PTPRN2: variants seen among roughly 807,000 people sequenced by gnomAD.
PTPRN2 encodes protein tyrosine phosphatase receptor type N2, also known as receptor-type tyrosine-protein phosphatase N2.
PTPRN2 carries 74 observed loss-of-function variants against 118.8 expected under a neutral mutation model. The observed-to-expected ratio is 0.62, with a 90% CI of 0.52 to 0.76. The LOEUF is 0.76. Among genes scored for constraint, PTPRN2 ranks in the 30% least tolerant of loss-of-function variants. The probability of loss-of-function intolerance (pLI) is 0.00; values close to 1 mark genes in which losing one functional copy is unlikely to be tolerated. For missense variants in PTPRN2, 1,481 were observed against 1,394.4 expected (o/e 1.06, Z -0.99); for synonymous variants, 641 against 608.0 (o/e 1.05, Z -0.80).
chr7:157,995,264 A>G (rs1804633587), intron 11 of PTPRN2, among the ~76,000 whole-genome samples: 1 of 147,838 alleles, frequency 6.8e-6, no homozygotes, highest in African/African-American at 2.5e-5. Flanking sequence ...CCCAGCTTAC[A>G]ACTCCTTGTT....
chr7:158,317,662 A>G lies in PTPRN2; in HGVS notation c.164-730T>C, dbSNP rs73510319. ...AAATTACCTTCTTTGGTGCACACAA[A>G]AGGTTAATTCAGGCGCTACTGCTTC... On this transcript the variant is annotated intron_variant, in intron 2 of 22. Transcript: ENST00000389418. Among the ~76,000 whole-genome samples, 625 of 152,280 alleles carry G rather than the reference A, an allele frequency of 4.1e-3. 5 individuals are homozygous for G. Among genetic ancestry groups the G allele is most frequent in the African/African-American group, 0.014 (583 of 41,556 alleles).
At chr7:157,634,046 G>A (rs190167507) in intron 14 of PTPRN2, among the ~76,000 whole-genome samples, 9 of 152,198 alleles carry the variant, frequency 5.9e-5, no homozygotes, top group African/African-American at 1.9e-4. Flanking sequence ...GGAGGCGGGC[G>A]AATGAGAGAA....
At chr7:157,711,917 G>C (rs1448148945) in intron 12 of PTPRN2, among the ~76,000 whole-genome samples, 1 of 116,206 alleles carries the variant, frequency 8.6e-6, no homozygotes, top group African/African-American at 3.1e-5. Context: ...TGTCTGGGGG[G>C]CCATGCAGGC....
chr7:158,150,748 G>T (rs558106000), intron 6 of PTPRN2, among the ~76,000 whole-genome samples: 225 of 151,756 alleles, frequency 1.5e-3, no homozygotes, highest in Non-Finnish European at 2.1e-3. Context: ...CTTCTTTCCT[G>T]GTCTGTGAGA....
At chr7:157,621,575 A>G in intron 14 of PTPRN2, 66 bp from the exon 15 acceptor site, 1 of 1,587,596 alleles carries the variant, frequency 6.3e-7, no homozygotes, top group South Asian at 1.1e-5. Context: ...GATGCACAAA[A>G]GGCAGCGGAG....
chr7:157,692,437 G>A (rs905863946), intron 12 of PTPRN2, among the ~76,000 whole-genome samples: 27 of 152,228 alleles, frequency 1.8e-4, no homozygotes, highest in African/African-American at 6.3e-4. Context: ...AAAACCTGGG[G>A]GCGAGCCCCA....
intron 2 of PTPRN2, among the ~76,000 whole-genome samples, chr7:158,336,696 C>T (rs865901497): frequency 1.2e-3 from 139 of 113,734 alleles, no homozygotes; most frequent in Admixed American, 1.9e-3. Flanking sequence ...CGCCCGCAGA[C>T]GTCACTCACA....
chr7:158,164,647 G>A lies in PTPRN2; in HGVS notation c.910+2284C>T, dbSNP rs558712500. Among the ~76,000 whole-genome samples, 5 of 152,302 alleles carry A rather than the reference G, an allele frequency of 3.3e-5. No individual in the cohort carries two copies. The South Asian group carries it at 1.0e-3, about 32-fold the overall frequency. On this transcript the variant is annotated intron_variant, in intron 6 of 22. Transcript: ENST00000389418. The stretch of plus-strand genomic sequence containing the variant: ...GCTGGGTTTCCCTCCCTCTGATGGG[G>A]GCGACGATGTTTATTGCTTTCTGTT...
At chr7:157,804,910 C>G (rs748465445) in intron 12 of PTPRN2, among the ~76,000 whole-genome samples, 1 of 152,208 alleles carries the variant, frequency 6.6e-6, no homozygotes, top group Non-Finnish European at 1.5e-5. Flanking sequence ...AGCCTGGCAA[C>G]AAGCATCCCA....
intron 12 of PTPRN2, among the ~76,000 whole-genome samples, chr7:157,691,718 G>A (rs1348487707): frequency 6.6e-6 from 1 of 152,200 alleles, no homozygotes; most frequent in Non-Finnish European, 1.5e-5. Flanking sequence ...ACCGCTCTGC[G>A]GGCGAAAGGA....
chr7:158,539,241 A>G (rs577083753), intron 1 of PTPRN2, among the ~76,000 whole-genome samples: 38 of 152,198 alleles, frequency 2.5e-4, no homozygotes, highest in Non-Finnish European at 4.0e-4. Flanking sequence ...ATGCACTAAG[A>G]TATTGAGTTG....
chr7:158,116,111 A>T (rs1400931694), intron 9 of PTPRN2, among the ~76,000 whole-genome samples: 2 of 152,248 alleles, frequency 1.3e-5, no homozygotes, highest in African/African-American at 2.4e-5. Flanking sequence ...GGACACAAGT[A>T]CTCATTCCAC....
At chr7:158,360,041 G>GT (rs1262619477) in intron 2 of PTPRN2, among the ~76,000 whole-genome samples, 1 of 116,452 alleles carries the variant, frequency 8.6e-6, no homozygotes, top group African/African-American at 3.8e-5. Context: ...CAGATCCCAA[G>GT]TCCACCCACA....
intron 12 of PTPRN2, among the ~76,000 whole-genome samples, chr7:157,849,108 T>C (rs909588328): frequency 6.6e-6 from 1 of 152,180 alleles, no homozygotes; most frequent in African/African-American, 2.4e-5. Flanking sequence ...CCCAGGTCCT[T>C]CTCAGTTCCC....
At chr7:158,070,432 G>C (rs1811168751) in intron 11 of PTPRN2, among the ~76,000 whole-genome samples, 1 of 133,450 alleles carries the variant, frequency 7.5e-6, no homozygotes, top group Non-Finnish European at 1.5e-5. Context: ...TGGTGCTCGT[G>C]GTGGTGGAGG....
chr7:158,501,153 G>A (rs1419658340), intron 1 of PTPRN2, among the ~76,000 whole-genome samples: 2 of 152,188 alleles, frequency 1.3e-5, no homozygotes, highest in Non-Finnish European at 1.5e-5. Context: ...TGACATTTTC[G>A]TGCCTTCCCA....
At chr7:158,071,867 A>G (rs372616598) in intron 11 of PTPRN2, among the ~76,000 whole-genome samples, 78 of 1,872 alleles carry the variant, frequency 0.042, 22 homozygotes, top group Middle Eastern at 0.25. Flanking sequence ...GGTGCTCGTC[A>G]TATGGAGGTG....
intron 1 of PTPRN2, among the ~76,000 whole-genome samples, chr7:158,520,129 G>A (rs1823874970): frequency 6.6e-6 from 1 of 152,204 alleles, no homozygotes; most frequent in South Asian, 2.1e-4. Flanking sequence ...AGAAAGGAAA[G>A]CATTTTCTGG....
In PTPRN2 at chr7:157,621,377, G is replaced by GTTTCCTCCGCCC. The variant is rs765669062; in HGVS notation, c.2328_2329insGGGCGGAGGAAA (p.Ser776_Leu777insGlyArgArgLys). The GTTTCCTCCGCCC allele has an allele frequency of 1.9e-6, 3 of 1,599,600 alleles. No individual in the cohort carries two copies. Among genetic ancestry groups the GTTTCCTCCGCCC allele is most frequent in the African/African-American group, 2.7e-5 (2 of 74,764 alleles). On this transcript the variant is annotated inframe_insertion, in exon 15 of 23. Coordinates refer to ENST00000389418, the MANE Select transcript of PTPRN2 (RefSeq NM_002847.5). ...TGGTACGTACAGGTCAGCACGGCCA[G>GTTTCCTCCGCCC]GGAGCGGTTCTTGGGCACGTTCTCC... is the stretch of plus-strand genomic sequence containing the variant.
Sources: allele counts gnomAD v4.1 joint callset (sites outside exome capture counted in the v4.1 genomes callset), GRCh38; gene constraint gnomAD v4.1.1; transcripts MANE v1.5; gene names NCBI Gene and HGNC (gene_info 2026-07-23, HGNC 2026-07-21).